Variants in RALGAPA1 observed in about 807,000 individuals in gnomAD.
RALGAPA1 encodes the protein Ral GTPase activating protein catalytic subunit alpha 1.
A neutral mutation model predicts 269.6 loss-of-function variants in RALGAPA1; 52 were observed. The observed-to-expected ratio is 0.19, with a 90% CI of 0.15 to 0.24. The LOEUF (loss-of-function observed/expected upper bound fraction) is 0.24, where lower values mean the gene tolerates loss of function less well. RALGAPA1 is among the 10% of genes least tolerant of loss of function. The pLI, the probability that RALGAPA1 is intolerant of heterozygous loss-of-function variation, is 1.00. For missense variants in RALGAPA1, 1,917 were observed against 3,013.9 expected, an observed-to-expected ratio of 0.64 and a Z score of 8.52; for synonymous variants, 817 against 1,008.3, an observed-to-expected ratio of 0.81 and a Z score of 3.60.
intron 4 of RALGAPA1, among the ~76,000 whole-genome samples, chr14:35,770,588 C>G (rs1333254175): frequency 6.6e-6 from 1 of 152,154 alleles, no homozygotes; most frequent in Non-Finnish European, 1.5e-5. Context: ...ACACAAATGT[C>G]CATTCTATTT....
At chr14:35,761,338 T>C (rs2073685238) in intron 5 of RALGAPA1, among the ~76,000 whole-genome samples, 3 of 152,190 alleles carry the variant, frequency 2.0e-5, no homozygotes, top group Middle Eastern at 3.4e-3. Context: ...TCACCACTAG[T>C]CTAAACCAAG....
intron 37 of RALGAPA1, among the ~76,000 whole-genome samples, chr14:35,590,877 T>C (rs1238289057): frequency 6.6e-6 from 1 of 152,224 alleles, no homozygotes; most frequent in Non-Finnish European, 1.5e-5. Flanking sequence ...TGGCTGATCA[T>C]GTTCAGTTGG....
At chr14:35,674,736 C>A in intron 22 of RALGAPA1, 27 bp from the exon 23 acceptor site, 1 of 1,278,482 alleles carries the variant, frequency 7.8e-7, no homozygotes, top group Non-Finnish European at 1.1e-6. Flanking sequence ...ATAGTGTCAG[C>A]CATTTTTCAG....
rs139381817 is a variant in RALGAPA1 at position 35,677,738 on chromosome 14, T to C, written c.4624+212A>G. On this transcript the variant is annotated intron_variant, in intron 22 of 41. Coordinates refer to ENST00000680220, the MANE Select transcript of RALGAPA1 (RefSeq NM_001346249.2). ...ATAATGCAATAACTAATTTGAGGAC[T>C]CTAATCAACTATAATAAAATGAATA... is the stretch of plus-strand genomic sequence containing the variant. The C allele has an allele frequency of 7.2e-4, 364 of 506,086 alleles. 2 individuals are homozygous for C. The highest frequency in any genetic ancestry group is 6.9e-3 in the African/African-American group (340 of 49,602). The allele number at this position is 506,086 out of a possible 1,614,324, so 31.3% of individuals were successfully genotyped here.
Position 35,553,192 on chromosome 14 carries a change from C to A in RALGAPA1, c.7497-3958G>T, listed in dbSNP as rs180689996. ...CTTTATTTTGACCTTTGGCTCACAT[C>A]TTTGTAAACAGCAGGTGCTGTCTCT... On this transcript the variant is annotated intron_variant, in intron 39 of 41. Transcript: ENST00000680220. Among the ~76,000 whole-genome samples, 43 of 152,280 alleles carry A rather than the reference C, an allele frequency of 2.8e-4. 1 individual carries two copies. The Middle Eastern group carries it at 0.02, about 72-fold the overall frequency.
At chr14:35,714,703 T>G (rs1328279268) in intron 16 of RALGAPA1, among the ~76,000 whole-genome samples, 1 of 152,226 alleles carries the variant, frequency 6.6e-6, no homozygotes, top group Admixed American at 6.5e-5. Flanking sequence ...ACGACTTTCT[T>G]TGATCATTTA....
At position 35,725,004 on chromosome 14, in the gene RALGAPA1, T is replaced by A; in HGVS notation, c.1866+20A>T. On this transcript the variant is annotated intron_variant, in intron 14 of 41. Coordinates refer to ENST00000680220, the MANE Select transcript of RALGAPA1 (RefSeq NM_001346249.2). ...ACCCATATCTATCCAGCTATTCATC[T>A]ATTTATTTATTTTTATTGCCTGGAA... 1 of 1,571,634 alleles carries A rather than the reference T, an allele frequency of 6.4e-7. No homozygotes were observed. Among genetic ancestry groups the A allele is most frequent in the Non-Finnish European group, 8.6e-7 (1 of 1,160,288 alleles).
intron 31 of RALGAPA1, among the ~76,000 whole-genome samples, chr14:35,646,218 A>C (rs954744381): frequency 6.6e-6 from 1 of 152,230 alleles, no homozygotes; most frequent in African/African-American, 2.4e-5. Context: ...TAGCAAAACC[A>C]GTTAGTGGAA....
At chr14:35,775,509 T>A in intron 2 of RALGAPA1, 126 bp downstream of exon 2, 2 of 1,170,984 alleles carry the variant, frequency 1.7e-6, no homozygotes, top group Non-Finnish European at 2.3e-6. Context: ...GATAGTAGTG[T>A]GAGAGGGAAA....
chr14:35,765,918 T>C, intron 4 of RALGAPA1: 1 of 1,193,478 alleles, frequency 8.4e-7, no homozygotes, highest in Non-Finnish European at 1.2e-6. Flanking sequence ...TGCTATGAGA[T>C]CTGGAAATGC....
chr14:35,766,870 T>A, intron 4 of RALGAPA1: 1 of 445,512 alleles, frequency 2.2e-6, no homozygotes, highest in Admixed American at 2.8e-5. Flanking sequence ...ATGATATTTT[T>A]ACACAGGCTG....
rs576395896 is a variant in RALGAPA1 at position 35,666,374 on chromosome 14, T to A, written c.5203-1607A>T. 1.1e-4 allele frequency among the ~76,000 whole-genome samples: 17 copies of A among 152,234 alleles called. No homozygotes were observed. The East Asian group carries it at 2.5e-3, about 22-fold the overall frequency. On this transcript the variant is annotated intron_variant, in intron 26 of 41. Transcript: ENST00000680220. ...ATGTCTCAGGTACATGGGATCTCTA[T>A]CCCAACTTCATAGTTAATTTTTGTA... is the stretch of plus-strand genomic sequence containing the variant.
intron 16 of RALGAPA1, among the ~76,000 whole-genome samples, chr14:35,710,581 AC>A (rs1348368954): frequency 6.6e-6 from 1 of 151,966 alleles, no homozygotes; most frequent in Non-Finnish European, 1.5e-5. Flanking sequence ...TTTATGTAAT[AC>A]CCCTCTTTAT....
intron 17 of RALGAPA1, among the ~76,000 whole-genome samples, chr14:35,699,569 T>G (rs2067172257): frequency 6.6e-6 from 1 of 152,106 alleles, no homozygotes; most frequent in African/African-American, 2.4e-5. Context: ...TCCTTGGAAG[T>G]TAGGGCTTCA....
chr14:35,672,734 A>G, intron 25 of RALGAPA1, 133 bp downstream of exon 25: 1 of 818,508 alleles, frequency 1.2e-6, no homozygotes, highest in Non-Finnish European at 1.7e-6. Flanking sequence ...ATTGAAGTAA[A>G]TTGTATATAA....
chr14:35,629,779 G>A (rs750380770), intron 33 of RALGAPA1, among the ~76,000 whole-genome samples: 113 of 152,308 alleles, frequency 7.4e-4, no homozygotes, highest in Admixed American at 1.4e-3. Context: ...GATTACAGGC[G>A]TGAGCCACTG....
chr14:35,749,069 C>A (rs1028036563), intron 9 of RALGAPA1, among the ~76,000 whole-genome samples: 2 of 152,218 alleles, frequency 1.3e-5, no homozygotes, highest in Admixed American at 1.3e-4. Flanking sequence ...CATCTACCCA[C>A]CTATAGTTAT....
intron 4 of RALGAPA1, among the ~76,000 whole-genome samples, chr14:35,767,441 A>T (rs763194900): frequency 2.0e-5 from 3 of 152,136 alleles, no homozygotes; most frequent in Non-Finnish European, 4.4e-5. Flanking sequence ...TAATCCTAGC[A>T]CTTTGGGAGG....
rs371009708 is a variant in RALGAPA1 at position 35,709,599 on chromosome 14, C to T, written c.2267-9297G>A. ...AATTCTTATTATTTCTTTTCTTCTA[C>T]TTACTTTGGATTTTTTTTCTCTAGT... On this transcript the variant is annotated intron_variant, in intron 16 of 41. Transcript: ENST00000680220. 7.9e-5 allele frequency among the ~76,000 whole-genome samples: 12 copies of T among 152,028 alleles called. No individual in the cohort carries two copies. The South Asian group carries it at 1.7e-3, about 21-fold the overall frequency.
Sources: gnomAD v4.1 joint callset for allele counts (sites outside exome capture counted in the v4.1 genomes callset) on GRCh38, gnomAD v4.1.1 for gene constraint, MANE v1.5 for transcripts, NCBI Gene and HGNC (gene_info 2026-07-23, HGNC 2026-07-21) for gene names.